Variants in ANKRD30B observed in about 807,000 individuals in gnomAD.
ANKRD30B encodes ankyrin repeat domain 30B, also known as ankyrin repeat domain-containing protein 30B.
Under a neutral mutation model 202.2 loss-of-function variants are expected in ANKRD30B, and 144 were observed. The observed-to-expected ratio is 0.71, with a 90% confidence interval of 0.62 to 0.82. The LOEUF is 0.82. Ranked by LOEUF, ANKRD30B falls within the 40% of genes least tolerant of loss-of-function variation. The probability of loss-of-function intolerance (pLI) is 0.00; values close to 1 mark genes in which losing one functional copy is unlikely to be tolerated. For missense variants in ANKRD30B, 1,487 were observed against 1,669.1 expected, an observed-to-expected ratio of 0.89 and a Z score of 1.90; for synonymous variants, 508 against 561.3, an observed-to-expected ratio of 0.91 and a Z score of 1.34.
Position 14,767,723 on chromosome 18 carries a change from C to T in ANKRD30B, c.1226-1620C>T, listed in dbSNP as rs543819942. ...ACAGACCATTTTGATGGGCAGATAG[C>T]ATATGCAAAGGAATGATTCATGACC... On this transcript the variant is annotated intron_variant, in intron 7 of 43. Transcript: ENST00000690538. 8.5e-5 allele frequency among the ~76,000 whole-genome samples: 13 copies of T among 152,254 alleles called. No homozygotes were observed. The East Asian group carries it at 2.1e-3, about 25-fold the overall frequency.
chr18:14,887,612 G>A, the ANKRD30B span, among the ~76,000 whole-genome samples: 2 of 151,800 alleles, frequency 1.3e-5, no homozygotes, highest in Admixed American at 6.6e-5. Context: ...GCTGGCCCAA[G>A]TGCTGTGTGC....
intron 1 of ANKRD30B, among the ~76,000 whole-genome samples, chr18:14,752,254 C>T (rs1913570247): frequency 6.6e-6 from 1 of 152,104 alleles, no homozygotes; most frequent in African/African-American, 2.4e-5. Context: ...TATTCATCTC[C>T]ATTTTATTGA....
chr18:14,904,692 C>A, the ANKRD30B span, among the ~76,000 whole-genome samples: 1 of 152,134 alleles, frequency 6.6e-6, no homozygotes, highest in African/African-American at 2.4e-5. Context: ...TTATTCTTAA[C>A]CAATATGAGT....
intron 2 of ANKRD30B, 28 bp downstream of exon 2, chr18:14,752,708 G>T (rs2143638850): frequency 6.4e-7 from 1 of 1,573,640 alleles, no homozygotes; most frequent in Non-Finnish European, 8.6e-7. Flanking sequence ...TTTTCAGCGG[G>T]AGATGGATTT....
intron 8 of ANKRD30B, 143 bp from the exon 9 acceptor site, chr18:14,772,013 A>G (rs1285771529): frequency 2.4e-6 from 1 of 424,000 alleles, no homozygotes; most frequent in African/African-American, 2.0e-5. Flanking sequence ...AAGAAACATG[A>G]TATAATATAC....
chr18:14,888,007 T>C, the ANKRD30B span, among the ~76,000 whole-genome samples: 2,064 of 152,210 alleles, frequency 0.014, 46 homozygotes, highest in African/African-American at 0.047. Flanking sequence ...GTTGCTATCT[T>C]ATATACAAGA....
the ANKRD30B span, among the ~76,000 whole-genome samples, chr18:14,864,834 A>G: frequency 6.8e-6 from 1 of 147,802 alleles, no homozygotes; most frequent in Non-Finnish European, 1.5e-5. Flanking sequence ...TCCCTTCTCC[A>G]TCTACCAAAA....
At chr18:14,926,499 C>T in the ANKRD30B span, among the ~76,000 whole-genome samples, 2 of 152,154 alleles carry the variant, frequency 1.3e-5, no homozygotes, top group Non-Finnish European at 2.9e-5. Flanking sequence ...TGAGACAGGG[C>T]CCTGGGTCCT....
chr18:14,867,746 T>C, the ANKRD30B span, among the ~76,000 whole-genome samples: 1 of 152,054 alleles, frequency 6.6e-6, no homozygotes, highest in East Asian at 1.9e-4. Flanking sequence ...GTGTCTCCAG[T>C]CCCCACCCCA....
chr18:14,842,976 G>A lies in ANKRD30B; in HGVS notation c.3109-48G>A, dbSNP rs535260034. On this transcript the variant is annotated intron_variant, in intron 38 of 43. Transcript: ENST00000690538. ...GCATTATTTATTAACTATGTATTTT[G>A]TGAAGTACACATTCGTTATTAATCA... 73 of 1,561,324 alleles carry A rather than the reference G, an allele frequency of 4.7e-5. No individual in the cohort carries two copies. In the Admixed American group the frequency reaches 1.3e-3, roughly 27 times the overall value.
chr18:14,788,056 C>A (rs1968201906), intron 15 of ANKRD30B, among the ~76,000 whole-genome samples: 1 of 152,154 alleles, frequency 6.6e-6, no homozygotes, highest in South Asian at 2.1e-4. Context: ...GCTTTTTCAG[C>A]ATTCTGTGCA....
the ANKRD30B span, among the ~76,000 whole-genome samples, chr18:14,877,256 G>T: frequency 6.6e-6 from 1 of 152,264 alleles, no homozygotes; most frequent in African/African-American, 2.4e-5. Context: ...GGGGCAGGGA[G>T]TATTTGTGAT....
chr18:14,810,233 G>C, intron 28 of ANKRD30B, 53 bp downstream of exon 28: 1 of 1,097,230 alleles, frequency 9.1e-7, no homozygotes, highest in South Asian at 1.6e-5. Context: ...TAAACTATTT[G>C]AAATGCTGAG....
At chr18:14,902,788 C>T in the ANKRD30B span, among the ~76,000 whole-genome samples, 1 of 152,242 alleles carries the variant, frequency 6.6e-6, no homozygotes, top group South Asian at 2.1e-4. Flanking sequence ...TACTAGGTAC[C>T]TTGGGTAAGT....
the ANKRD30B span, among the ~76,000 whole-genome samples, chr18:14,886,770 T>TAA: frequency 6.6e-6 from 1 of 152,204 alleles, no homozygotes. Flanking sequence ...TATGAAAGAC[T>TAA]AAGTCCCCCT....
intron 4 of ANKRD30B, among the ~76,000 whole-genome samples, chr18:14,756,881 G>A (rs572026623): frequency 2.0e-5 from 3 of 152,134 alleles, no homozygotes; most frequent in African/African-American, 7.2e-5. Context: ...AATAGAGCGA[G>A]ATTCTGTCTC....
intron 32 of ANKRD30B, among the ~76,000 whole-genome samples, chr18:14,827,751 C>G (rs61516442): frequency 0.014 from 2,175 of 152,288 alleles, 57 homozygotes; most frequent in African/African-American, 0.05. Context: ...TCCACTTATA[C>G]TAATTCTGCT....
chr18:14,758,131 G>C (rs1914668650), intron 5 of ANKRD30B, among the ~76,000 whole-genome samples, 179 bp downstream of exon 5: 1 of 152,096 alleles, frequency 6.6e-6, no homozygotes, highest in African/African-American at 2.4e-5. Flanking sequence ...TATCCCTAGG[G>C]ATCCTAATGT....
chr18:14,871,781 T>C, the ANKRD30B span, among the ~76,000 whole-genome samples: 1 of 151,990 alleles, frequency 6.6e-6, no homozygotes, highest in Non-Finnish European at 1.5e-5. Flanking sequence ...TCCCAGCTAC[T>C]CGGGAAGCCG....
Sources: gnomAD v4.1 joint callset for allele counts (sites outside exome capture counted in the v4.1 genomes callset) on GRCh38, gnomAD v4.1.1 for gene constraint, MANE v1.5 for transcripts, NCBI Gene and HGNC (gene_info 2026-07-23, HGNC 2026-07-21) for gene names.